The following PNPLA7 variants were observed in gnomAD, a reference collection of about 807,000 sequenced individuals.
PNPLA7 encodes patatin-like phospholipase domain-containing protein 7.
A neutral mutation model predicts 161.7 loss-of-function variants in PNPLA7; 153 were observed. The observed-to-expected ratio is 0.95, with a 90% CI of 0.83 to 1.08. The LOEUF (loss-of-function observed/expected upper bound fraction) is 1.08, where lower values mean the gene tolerates loss of function less well. Among genes scored for constraint, PNPLA7 ranks in the 50% least tolerant of loss-of-function variants. The probability of loss-of-function intolerance (pLI) is 0.00; values close to 1 mark genes in which losing one functional copy is unlikely to be tolerated. For synonymous variants in PNPLA7, 809 were observed against 782.1 expected, an observed-to-expected ratio of 1.03 and a Z score of -0.57; for missense variants, 1,739 against 1,856.6, an observed-to-expected ratio of 0.94 and a Z score of 1.16.
In PNPLA7 at chr9:137,468,687, C is replaced by G. The variant is rs1478270895; in HGVS notation, c.2883-1214G>C. Among the ~76,000 whole-genome samples, 1 of 152,048 alleles carries G rather than the reference C, an allele frequency of 6.6e-6. No homozygotes were observed. The highest frequency in any genetic ancestry group is 1.5e-5 in the Non-Finnish European group (1 of 68,006). On this transcript the variant is annotated intron_variant, in intron 25 of 34. Transcript: ENST00000406427. This position sits in a 1 kb window ranked among gnomAD's most constrained non-coding sequence, Gnocchi z 4.0. ...AGGTGGGAAGACGTCAAAGGCTACA[C>G]TGAGCTGACGTCACACCACTGCACT... is the stretch of plus-strand genomic sequence containing the variant.
At chr9:137,549,379 A>G (rs1047006564) in intron 1 of PNPLA7, among the ~76,000 whole-genome samples, 1 of 152,082 alleles carries the variant, frequency 6.6e-6, no homozygotes. Flanking sequence ...CATCCTGGCT[A>G]ACACAGTGAA....
At chr9:137,505,789 C>T (rs377040424) in intron 13 of PNPLA7, 29 bp from the exon 14 acceptor site, 73 of 1,611,534 alleles carry the variant, frequency 4.5e-5, no homozygotes, top group Admixed American at 3.0e-4. Flanking sequence ...ACCGGCAATT[C>T]GAAGGGATGT....
At chr9:137,526,931 A>G (rs994606457) in intron 8 of PNPLA7, among the ~76,000 whole-genome samples, 1 of 151,580 alleles carries the variant, frequency 6.6e-6, no homozygotes, top group African/African-American at 2.4e-5. Context: ...CTCTTCCCCT[A>G]CTGCTCTGAG....
intron 25 of PNPLA7, among the ~76,000 whole-genome samples, chr9:137,473,798 T>A (rs1298347790): frequency 6.6e-6 from 1 of 152,134 alleles, no homozygotes. Context: ...ATACTGCCAT[T>A]ACCAAGGGTC....
intron 16 of PNPLA7, 149 bp from the exon 17 acceptor site, chr9:137,498,394 C>T: frequency 2.5e-6 from 3 of 1,198,076 alleles, no homozygotes; most frequent in East Asian, 5.1e-5. Context: ...ACGGGGCACG[C>T]ACCAGTCAGC....
chr9:137,515,603 C>G (rs1011992513), intron 11 of PNPLA7, 84 bp from the exon 12 acceptor site: 2 of 1,433,644 alleles, frequency 1.4e-6, no homozygotes, highest in African/African-American at 1.4e-5. Context: ...ACGCAGGGAG[C>G]AGGGTCCCCA....
intron 14 of PNPLA7, among the ~76,000 whole-genome samples, chr9:137,502,046 T>C (rs1408698095): frequency 6.6e-6 from 1 of 152,248 alleles, no homozygotes; most frequent in Non-Finnish European, 1.5e-5. Context: ...AAGGGTGATT[T>C]CTTTATAAGT....
chr9:137,543,315 G>A lies in PNPLA7; in HGVS notation c.506+117C>T, dbSNP rs1564370337. The A allele has an allele frequency of 4.5e-6, 6 of 1,326,490 alleles. No homozygotes were observed. The highest frequency in any genetic ancestry group is 3.8e-5 in the South Asian group (3 of 78,066). 82.2% of individuals were successfully genotyped at this position (1,326,490 alleles called of 1,614,324 possible). A position where few individuals can be genotyped will look rare whatever the true frequency, so the allele number is the denominator to read the frequency against. ...GGGGCACAGACACCAGCAGCCCCAC[G>A]ATGCGCTTTGCCAACCATTCCCCCA... is the stretch of plus-strand genomic sequence containing the variant. On this transcript the variant is annotated intron_variant, in intron 6 of 34. Coordinates refer to ENST00000406427, the MANE Select transcript of PNPLA7 (RefSeq NM_001098537.3). This position sits in a 1 kb window ranked among gnomAD's most constrained non-coding sequence, Gnocchi z 6.9.
At position 137,460,675 on chromosome 9, in the gene PNPLA7, C is replaced by CT. The variant is rs2132041314; in HGVS notation, c.3903_3904insA (p.Ala1302SerfsTer34). The CT allele has an allele frequency of 6.2e-7, 1 of 1,612,850 alleles. No individual in the cohort carries two copies. Among genetic ancestry groups the CT allele is most frequent in the East Asian group, 2.2e-5 (1 of 44,882 alleles). ...TGGGCTGAGGTGCTCTGGAAGTCTG[C>CT]GTATGCATCCCTGGGGACGTCCAGC... On this transcript the variant is annotated frameshift_variant, in exon 34 of 35. Transcript: ENST00000406427. LOFTEE classifies it low-confidence loss of function (END_TRUNC).
chr9:137,502,619 A>T (rs978466094), intron 14 of PNPLA7, among the ~76,000 whole-genome samples: 1 of 96,882 alleles, frequency 1.0e-5, no homozygotes, highest in Non-Finnish European at 2.0e-5. Flanking sequence ...GAGGTTCTTC[A>T]GGAGAAGAAA....
intron 20 of PNPLA7, among the ~76,000 whole-genome samples, 188 bp from the exon 21 acceptor site, chr9:137,484,924 C>A (rs2132169181): frequency 6.6e-6 from 1 of 151,774 alleles, no homozygotes; most frequent in Non-Finnish European, 1.5e-5. Context: ...CTGCCTGGAC[C>A]TCGCGCCTCC....
At chr9:137,519,806 G>A in intron 11 of PNPLA7, 111 bp downstream of exon 11, 2 of 1,404,956 alleles carry the variant, frequency 1.4e-6, no homozygotes, top group Non-Finnish European at 1.9e-6. Context: ...CCGGGGATGT[G>A]TGTGGTGGCC....
chr9:137,461,642 C>G, intron 32 of PNPLA7, 22 bp from the exon 33 acceptor site: 1 of 1,575,706 alleles, frequency 6.3e-7, no homozygotes, highest in South Asian at 1.1e-5. Context: ...GTGAGGACAG[C>G]ACGTTGCCTG....
chr9:137,500,488 C>T lies in PNPLA7; in HGVS notation c.1757+203G>A, dbSNP rs190587895. Among the ~76,000 whole-genome samples the T allele has an allele frequency of 4.4e-4, 67 of 152,244 alleles. No homozygotes were observed. The highest frequency in any genetic ancestry group is 1.4e-3 in the African/African-American group (60 of 41,536). On this transcript the variant is annotated intron_variant, in intron 16 of 34. Coordinates refer to ENST00000406427, the MANE Select transcript of PNPLA7 (RefSeq NM_001098537.3). This position sits in a 1 kb window ranked among gnomAD's most constrained non-coding sequence, Gnocchi z 5.5. ...ACAGAGACGGCCGTGCGAAGCTGAT[C>T]GCTGCGGGCAGGTGGGGTCGGCTGA...
In PNPLA7 at chr9:137,479,151, T is replaced by C; in HGVS notation, c.2668A>G (p.Thr890Ala). 1 of 1,583,378 alleles carries C rather than the reference T, an allele frequency of 6.3e-7. No individual in the cohort carries two copies. Among genetic ancestry groups the C allele is most frequent in the Non-Finnish European group, 8.6e-7 (1 of 1,166,126 alleles). Residue 890 changes from threonine (T) to alanine (A), a missense_variant, in exon 24 of 35, where the codon ACC (threonine) becomes GCC (alanine). Transcript: ENST00000406427. The stretch of plus-strand genomic sequence containing the variant: ...CTCCGCATGTTGAGCCACTCCACGG[T>C]GCGCGCTGGCGCCGGGCCCTCCTCC... Reference protein sequence around the residue: ...HREEGPAPARTVEWLNMRSWC... With the variant: ...HREEGPAPARAVEWLNMRSWC...
intron 11 of PNPLA7, among the ~76,000 whole-genome samples, chr9:137,517,989 C>G (rs1279503107): frequency 1.7e-5 from 2 of 116,588 alleles, no homozygotes; most frequent in African/African-American, 3.7e-5. Context: ...CCCACTCACT[C>G]ACTCCACTCT....
chr9:137,527,786 C>T (rs747310115), intron 8 of PNPLA7, among the ~76,000 whole-genome samples: 1 of 152,192 alleles, frequency 6.6e-6, no homozygotes, highest in Non-Finnish European at 1.5e-5. Flanking sequence ...AATAGTCCCT[C>T]TTCTACTTTT....
At chr9:137,515,880 A>G (rs962600122) in intron 11 of PNPLA7, among the ~76,000 whole-genome samples, 4 of 14,298 alleles carry the variant, frequency 2.8e-4, no homozygotes, top group African/African-American at 1.3e-3. Context: ...CCCCCTCCCC[A>G]CCTCAACCCC....
At chr9:137,502,458 C>T (rs184298593) in intron 14 of PNPLA7, among the ~76,000 whole-genome samples, 8 of 150,076 alleles carry the variant, frequency 5.3e-5, no homozygotes, top group Admixed American at 2.7e-4. Flanking sequence ...TCACATGTCG[C>T]CAAAAGTTTG....
Sources: allele counts gnomAD v4.1 joint callset (sites outside exome capture counted in the v4.1 genomes callset), GRCh38; gene constraint gnomAD v4.1.1; non-coding constraint Gnocchi (gnomAD v3.1); transcripts MANE v1.5; gene names NCBI Gene and HGNC (gene_info 2026-07-23, HGNC 2026-07-21).